Variants in DIP2C observed in about 807,000 individuals in gnomAD.
DIP2C encodes DIP2 acetate--CoA ligase C (putative).
In DIP2C, 33 loss-of-function variants were observed where a neutral mutation model predicts 192.4. That is an observed-to-expected ratio of 0.17 (90% CI 0.13 to 0.23). The LOEUF is 0.23. Ranked by LOEUF, DIP2C falls within the 10% of genes least tolerant of loss-of-function variation. The pLI, the probability that DIP2C is intolerant of heterozygous loss-of-function variation, is 1.00. For synonymous variants in DIP2C, 979 were observed against 864.1 expected, an observed-to-expected ratio of 1.13 and a Z score of -2.33; for missense variants, 1,537 against 2,110.1, an observed-to-expected ratio of 0.73 and a Z score of 5.32.
Position 369,474 on chromosome 10 carries a change from A to AT in DIP2C, c.2131+19_2131+20insA. On this transcript the variant is annotated intron_variant, in intron 18 of 36. Transcript: ENST00000280886. ...CATTTAATAACTGGTTAATCTGTGC[A>AT]GCTCGCGACCCACACTCACCTCCAG... The AT allele has an allele frequency of 6.6e-7, 1 of 1,521,252 alleles. No individual in the cohort carries two copies. Among genetic ancestry groups the AT allele is most frequent in the Non-Finnish European group, 8.8e-7 (1 of 1,133,440 alleles). The allele number at this position is 1,521,252 out of a possible 1,614,324, so 94.2% of individuals were successfully genotyped here. A position where few individuals can be genotyped will look rare whatever the true frequency, so the allele number is the denominator to read the frequency against.
At chr10:298,563 G>A (rs1454382921) in intron 32 of DIP2C, among the ~76,000 whole-genome samples, 2 of 152,174 alleles carry the variant, frequency 1.3e-5, no homozygotes, top group African/African-American at 4.8e-5. Context: ...CCTCATGGAG[G>A]GCACAGCCTC....
chr10:412,884 A>G (rs1034617571), intron 8 of DIP2C, among the ~76,000 whole-genome samples: 3 of 152,270 alleles, frequency 2.0e-5, no homozygotes, highest in African/African-American at 7.2e-5. Context: ...GAACTGAAAC[A>G]GCTATGTTTA....
At chr10:498,863 A>T (rs1845036415) in intron 1 of DIP2C, among the ~76,000 whole-genome samples, 1 of 152,170 alleles carries the variant, frequency 6.6e-6, no homozygotes, top group Non-Finnish European at 1.5e-5. Context: ...GAGTCCTGCC[A>T]GCTAATTATA....
chr10:285,153 C>CAAA (rs34031685), intron 34 of DIP2C, among the ~76,000 whole-genome samples: 26 of 124,492 alleles, frequency 2.1e-4, no homozygotes, highest in African/African-American at 3.1e-4. Flanking sequence ...AGTGAGGGGC[C>CAAA]AAAAAAAAAA....
At chr10:464,200 G>C (rs1387430252) in intron 3 of DIP2C, among the ~76,000 whole-genome samples, 1 of 152,132 alleles carries the variant, frequency 6.6e-6, no homozygotes, top group Admixed American at 6.5e-5. Context: ...CCATCAGAGT[G>C]AACAGGCAAC....
At chr10:623,944 A>T (rs1854037844) in intron 1 of DIP2C, among the ~76,000 whole-genome samples, 1 of 152,228 alleles carries the variant, frequency 6.6e-6, no homozygotes, top group Non-Finnish European at 1.5e-5. Flanking sequence ...AGTCATTAAA[A>T]ATTCCTTCTG....
chr10:378,600 C>T (rs766207210), intron 17 of DIP2C, among the ~76,000 whole-genome samples: 21 of 152,002 alleles, frequency 1.4e-4, no homozygotes, highest in Non-Finnish European at 2.9e-4. Flanking sequence ...CATAGACACA[C>T]ATGAACAGAC....
chr10:444,284 TGAG>T (rs1278308423), intron 3 of DIP2C, among the ~76,000 whole-genome samples: 16 of 150,522 alleles, frequency 1.1e-4, no homozygotes, highest in Admixed American at 1.0e-3. Flanking sequence ...CGTTCATTCA[TGAG>T]GAGTGTTCCT....
chr10:583,816 A>T (rs770516085), intron 1 of DIP2C, among the ~76,000 whole-genome samples: 5 of 152,210 alleles, frequency 3.3e-5, no homozygotes, highest in Non-Finnish European at 7.4e-5. Context: ...ACCACTGCCC[A>T]ATACTGATGT....
chr10:596,575 C>T (rs892097369), intron 1 of DIP2C, among the ~76,000 whole-genome samples: 1 of 149,288 alleles, frequency 6.7e-6, no homozygotes, highest in Non-Finnish European at 1.5e-5. Context: ...ACCGAGGTAT[C>T]CTATAGGTAC....
intron 31 of DIP2C, among the ~76,000 whole-genome samples, chr10:318,366 C>G (rs779698246): frequency 6.6e-6 from 1 of 152,192 alleles, no homozygotes; most frequent in Non-Finnish European, 1.5e-5. Flanking sequence ...CAGCACAAAC[C>G]AATCGGGCTC....
At chr10:650,843 A>G (rs1316357675) in intron 1 of DIP2C, 1 of 715,404 alleles carries the variant, frequency 1.4e-6, no homozygotes, top group Non-Finnish European at 2.6e-6. Context: ...CTCAGCCCCC[A>G]CTTGTGAGAG....
chr10:606,526 G>A (rs1006641801), intron 1 of DIP2C, among the ~76,000 whole-genome samples: 7 of 149,858 alleles, frequency 4.7e-5, no homozygotes, highest in Middle Eastern at 7.0e-3. Context: ...CCCCGCTGCC[G>A]TAATTACCTG....
At chr10:447,375 C>G (rs1440074124) in intron 3 of DIP2C, among the ~76,000 whole-genome samples, 2 of 146,732 alleles carry the variant, frequency 1.4e-5, no homozygotes, top group African/African-American at 5.2e-5. Flanking sequence ...TCACCCCTGT[C>G]GATACTCAGG....
chr10:341,282 C>G lies in DIP2C; in HGVS notation c.3501G>C (p.Gln1167His). Residue 1167 changes from glutamine to histidine, a missense_variant, in exon 29 of 37, where the codon CAG (glutamine) becomes CAC (histidine). Transcript: ENST00000280886. ...CTTCTCTAGAGGGGTAAAGTTCACA[C>G]TGCAGCTTAATGGAACGGCAGAAGG... ...TSAFCRSIKL[Q>H]CELYPSREVA... 1 of 1,614,192 alleles carries G rather than the reference C, an allele frequency of 6.2e-7. No homozygotes were observed. The highest frequency in any genetic ancestry group is 1.3e-5 in the African/African-American group (1 of 75,038).
intron 1 of DIP2C, among the ~76,000 whole-genome samples, chr10:641,397 G>A (rs1369720153): frequency 1.3e-5 from 2 of 152,156 alleles, no homozygotes; most frequent in Non-Finnish European, 2.9e-5. Context: ...CTCTGCTCCC[G>A]AGGCTACATC....
intron 1 of DIP2C, among the ~76,000 whole-genome samples, chr10:621,485 A>G (rs982991441): frequency 2.6e-5 from 4 of 152,216 alleles, no homozygotes; most frequent in Admixed American, 6.5e-5. Context: ...GTCTATGCCA[A>G]TATGAGCACA....
intron 9 of DIP2C, among the ~76,000 whole-genome samples, chr10:404,202 C>T (rs540701527): frequency 2.2e-5 from 3 of 133,790 alleles, no homozygotes; most frequent in Non-Finnish European, 4.7e-5. Flanking sequence ...TGCATTACTT[C>T]ATTCTGGATT....
At chr10:664,051 G>A (rs1178123563) in intron 1 of DIP2C, 1 of 152,154 alleles carries the variant, frequency 6.6e-6, no homozygotes, top group Non-Finnish European at 1.5e-5. Flanking sequence ...GCTCCAGGGG[G>A]CCACACCAGA....
Sources: allele counts gnomAD v4.1 joint callset (sites outside exome capture counted in the v4.1 genomes callset), GRCh38; gene constraint gnomAD v4.1.1; transcripts MANE v1.5; gene names NCBI Gene and HGNC (gene_info 2026-07-23, HGNC 2026-07-21).